The following INPP4A variants were observed in gnomAD, a reference collection of about 807,000 sequenced individuals.
INPP4A encodes inositol polyphosphate-4-phosphatase type I A.
Under a neutral mutation model 119.8 loss-of-function variants are expected in INPP4A, and 33 were observed. The observed-to-expected ratio is 0.28, with a 90% CI of 0.21 to 0.37. The LOEUF (loss-of-function observed/expected upper bound fraction) is 0.37. Among genes scored for constraint, INPP4A ranks in the 10% least tolerant of loss-of-function variants. The probability of loss-of-function intolerance (pLI) is 1.00; values close to 1 mark genes in which losing one functional copy is unlikely to be tolerated. For missense variants in INPP4A, 956 were observed against 1,289.9 expected (o/e 0.74, Z 3.97); for synonymous variants, 496 against 500.7 (o/e 0.99, Z 0.12).
chr2:98,554,554 G>T lies in INPP4A; in HGVS notation c.1566+65G>T, dbSNP rs995920344. 9 of 1,385,170 alleles carry T rather than the reference G, an allele frequency of 6.5e-6. No individual in the cohort carries two copies. The highest frequency in any genetic ancestry group is 9.0e-6 in the Non-Finnish European group (9 of 1,002,012). The allele number at this position is 1,385,170 out of a possible 1,614,324, so 85.8% of individuals were successfully genotyped here. A position where few individuals can be genotyped will look rare whatever the true frequency, so the allele number is the denominator to read the frequency against. ...TGGGCTGAAAACCACAAAACCTGTTGCCAGTCTCTGCCCCTCTGAAGTGCC... is the reference window on the plus strand; with the variant it reads ...TGGGCTGAAAACCACAAAACCTGTTTCCAGTCTCTGCCCCTCTGAAGTGCC... On this transcript the variant is annotated intron_variant, in intron 15 of 24. Transcript: ENST00000409851. The surrounding 1 kb of genome is among the most constrained non-coding windows in gnomAD (Gnocchi z 4.7).
At chr2:98,585,643 G>A (rs1001992680) in intron 24 of INPP4A, among the ~76,000 whole-genome samples, 3 of 152,196 alleles carry the variant, frequency 2.0e-5, no homozygotes, top group African/African-American at 7.2e-5. Context: ...GGCAGGTGGT[G>A]GGATAACAGT....
intron 1 of INPP4A, among the ~76,000 whole-genome samples, chr2:98,481,363 G>C (rs1432663827): frequency 1.3e-5 from 2 of 152,194 alleles, no homozygotes; most frequent in African/African-American, 4.8e-5. Flanking sequence ...TCCTATACCA[G>C]TGGGGGCTTG....
chr2:98,564,742 G>A lies in INPP4A; in HGVS notation c.2131G>A (p.Glu711Lys). Residue 711 changes from glutamate (E) to lysine (K), a missense_variant, in exon 19 of 25, where the codon GAG becomes AAG. Around this residue, in one of 2 missense-constraint regions of INPP4A, gnomAD observed 304 missense variants for 492.1 expected, o/e 0.62. Coordinates refer to ENST00000409851, the MANE Select transcript of INPP4A (RefSeq NM_001134225.2). ...CACCATCGGGCTGCTGGCCCAGTTC[G>A]AGAGCCTGCTGAGCACCTACGGTGA... ...LYTIGLLAQF[E>K]SLLSTYGEEL... 3 of 1,596,514 alleles carry A rather than the reference G, an allele frequency of 1.9e-6. No individual in the cohort carries two copies. Among genetic ancestry groups the A allele is most frequent in the Non-Finnish European group, 2.6e-6 (3 of 1,171,608 alleles).
In INPP4A at chr2:98,554,176, TG is replaced by T; in HGVS notation, c.1348-92del. The stretch of plus-strand genomic sequence containing the variant: ...GGAGAAAGGCAGAGGGGTGCAGTGC[TG>T]GGCTTTAAGCCCATTCTCCATTTCT... On this transcript the variant is annotated intron_variant, in intron 14 of 24. Coordinates refer to ENST00000409851, the MANE Select transcript of INPP4A (RefSeq NM_001134225.2). The surrounding 1 kb of genome is among the most constrained non-coding windows in gnomAD (Gnocchi z 4.7). 1.1e-6 allele frequency: 1 copy of T among 923,284 alleles called. No individual in the cohort carries two copies. The highest frequency in any genetic ancestry group is 1.6e-6 in the Non-Finnish European group (1 of 606,818). 57.2% of individuals were successfully genotyped at this position (923,284 alleles called of 1,614,324 possible).
At chr2:98,541,368 A>T (rs1691420322) in intron 10 of INPP4A, among the ~76,000 whole-genome samples, 1 of 152,044 alleles carries the variant, frequency 6.6e-6, no homozygotes, top group Admixed American at 6.6e-5. Context: ...ATGAGCACCT[A>T]GATATCTTTC....
Position 98,568,139 on chromosome 2 carries a change from G to A in INPP4A, c.2421-432G>A, listed in dbSNP as rs564231447. On this transcript the variant is annotated intron_variant, in intron 21 of 24. Transcript: ENST00000409851. ...CATGTCAGTCCCGGAGGGGCTGGCA[G>A]TCAGGTGTGTTCATTCTGCACACAG... is the stretch of plus-strand genomic sequence containing the variant. Among the ~76,000 whole-genome samples, 3 of 152,348 alleles carry A rather than the reference G, an allele frequency of 2.0e-5. No homozygotes were observed. In the South Asian group the frequency reaches 6.2e-4, roughly 32 times the overall value.
chr2:98,563,943 T>G (rs1234155537), intron 18 of INPP4A, among the ~76,000 whole-genome samples: 2 of 151,380 alleles, frequency 1.3e-5, no homozygotes, highest in Non-Finnish European at 1.5e-5. Flanking sequence ...GTTTTTTTTT[T>G]TTTTTTTTTT....
rs2106574217 is a variant in INPP4A at position 98,589,366 on chromosome 2, A to C, written c.*1758A>C. ...TCTCCACCATCTCATTTAATTTGTAAATTTTTAGTTCTGTCTTTTCTCATT... is the reference window on the plus strand; with the variant it reads ...TCTCCACCATCTCATTTAATTTGTACATTTTTAGTTCTGTCTTTTCTCATT... On this transcript the variant is annotated 3_prime_UTR_variant, in exon 25 of 25. Transcript: ENST00000409851. 1 of 184,776 alleles carries C rather than the reference A, an allele frequency of 5.4e-6. No individual in the cohort carries two copies. The highest frequency in any genetic ancestry group is 2.0e-4 in the South Asian group (1 of 5,080). The allele number at this position is 184,776 out of a possible 1,614,324, so 11.4% of individuals were successfully genotyped here.
rs1700128975 is a variant in INPP4A, at chr2:98,588,243, T to C, written c.*635T>C. On this transcript the variant is annotated 3_prime_UTR_variant, in exon 25 of 25. Transcript: ENST00000409851. ...GGTAACACCTGCAAGGTACCCCACA[T>C]AGTTGGGGCCACTCTTTTTTCTGTC... is the stretch of plus-strand genomic sequence containing the variant. 4.8e-6 allele frequency: 1 copy of C among 208,264 alleles called. No homozygotes were observed. 12.9% of individuals were successfully genotyped at this position (208,264 alleles called of 1,614,324 possible).
At chr2:98,539,163 A>G (rs1182488532) in intron 9 of INPP4A, among the ~76,000 whole-genome samples, 182 bp downstream of exon 9, 1 of 152,176 alleles carries the variant, frequency 6.6e-6, no homozygotes, top group African/African-American at 2.4e-5. Context: ...AAACAATTAT[A>G]ATTTTCCTTG....
intron 1 of INPP4A, among the ~76,000 whole-genome samples, chr2:98,448,961 C>A (rs1303339584): frequency 6.6e-6 from 1 of 152,186 alleles, no homozygotes; most frequent in Admixed American, 6.5e-5. Flanking sequence ...CGTTGGCCGA[C>A]CACAGTGCTG....
chr2:98,567,927 G>A (rs1449330352), intron 21 of INPP4A, among the ~76,000 whole-genome samples: 2 of 152,206 alleles, frequency 1.3e-5, no homozygotes, highest in Admixed American at 6.5e-5. Context: ...CCCTCAGCAG[G>A]GATGTGTGAG....
intron 15 of INPP4A, 104 bp from the exon 16 acceptor site, chr2:98,555,449 G>T: frequency 8.1e-7 from 1 of 1,238,946 alleles, no homozygotes; most frequent in Non-Finnish European, 1.1e-6. Context: ...TTTAACAAGT[G>T]TGGAAGCCTA....
intron 1 of INPP4A, among the ~76,000 whole-genome samples, chr2:98,470,659 C>CT (rs1468968438): frequency 6.6e-6 from 1 of 151,872 alleles, no homozygotes; most frequent in Non-Finnish European, 1.5e-5. Flanking sequence ...GAAGACATTT[C>CT]TTTTTTTCTT....
chr2:98,461,809 A>C (rs1697206301), intron 1 of INPP4A, among the ~76,000 whole-genome samples: 5 of 152,130 alleles, frequency 3.3e-5, no homozygotes, highest in Admixed American at 3.3e-4. Context: ...ACTGGCCCAC[A>C]AGGAGTTTTG....
intron 1 of INPP4A, among the ~76,000 whole-genome samples, chr2:98,456,634 C>T (rs1175220322): frequency 8.5e-5 from 13 of 152,192 alleles, no homozygotes; most frequent in African/African-American, 2.9e-4. Flanking sequence ...GCCACTGTAC[C>T]CAGCTACTTT....
At chr2:98,573,491 C>T (rs1274329515) in intron 23 of INPP4A, among the ~76,000 whole-genome samples, 3 of 152,210 alleles carry the variant, frequency 2.0e-5, no homozygotes, top group Non-Finnish European at 2.9e-5. Flanking sequence ...ACCTGCCCAG[C>T]GCTGGGACTC....
chr2:98,577,119 C>G lies in INPP4A; in HGVS notation c.2762C>G (p.Thr921Ser), dbSNP rs747382056. 1 of 1,612,768 alleles carries G rather than the reference C, an allele frequency of 6.2e-7. No homozygotes were observed. The highest frequency in any genetic ancestry group is 8.5e-7 in the Non-Finnish European group (1 of 1,179,404). The change falls in exon 24 of 25, where the codon ACC becomes AGC. Residue 921 changes from threonine to serine, a missense_variant. Physicochemically the swap from Thr to Ser is moderately conservative, Grantham distance 58 (BLOSUM62 1). Around this residue, in one of 2 missense-constraint regions of INPP4A, gnomAD observed 304 missense variants for 492.1 expected, o/e 0.62. Coordinates refer to ENST00000409851, the MANE Select transcript of INPP4A (RefSeq NM_001134225.2). ...HEHGMAPQVF[T>S]QALECMRSEG... ...CATGGCATGGCCCCGCAGGTCTTCACCCAGGCCCTGGAGTGCATGCGCAGG... is the reference window on the plus strand; with the variant it reads ...CATGGCATGGCCCCGCAGGTCTTCAGCCAGGCCCTGGAGTGCATGCGCAGG...
chr2:98,511,667 C>T (rs1685141366), intron 1 of INPP4A, among the ~76,000 whole-genome samples: 1 of 152,164 alleles, frequency 6.6e-6, no homozygotes, highest in South Asian at 2.1e-4. Flanking sequence ...TCACACTCCT[C>T]TGATTGGGAG....
Sources: gnomAD v4.1 joint callset for allele counts (sites outside exome capture counted in the v4.1 genomes callset) on GRCh38, gnomAD v4.1.1 for gene constraint, gnomAD v4.1.1 regional missense constraint, Gnocchi (gnomAD v3.1) non-coding constraint, MANE v1.5 for transcripts, NCBI Gene and HGNC (gene_info 2026-07-23, HGNC 2026-07-21) for gene names.